PRDM16: variants seen among roughly 807,000 people sequenced by gnomAD.
PRDM16 encodes the protein PR/SET domain 16.
Under a neutral mutation model 110.6 loss-of-function variants are expected in PRDM16, and 23 were observed. The observed-to-expected ratio is 0.21, with a 90% CI of 0.15 to 0.29. The LOEUF (loss-of-function observed/expected upper bound fraction) is 0.29, where lower values mean the gene tolerates loss of function less well. Among genes scored for constraint, PRDM16 ranks in the 10% least tolerant of loss-of-function variants. The pLI is 1.00. For synonymous variants in PRDM16, 799 were observed against 781.8 expected, an observed-to-expected ratio of 1.02 and a Z score of -0.37; for missense variants, 1,615 against 1,794.3, an observed-to-expected ratio of 0.90 and a Z score of 1.81.
rs913766984 is a variant in PRDM16 at position 3,243,637 on chromosome 1, G to A, written c.388-450G>A. Among the ~76,000 whole-genome samples, 4 of 152,252 alleles carry A rather than the reference G, an allele frequency of 2.6e-5. No homozygotes were observed. Among genetic ancestry groups the A allele is most frequent in the African/African-American group, 9.6e-5 (4 of 41,466 alleles). ...CCAGGCACAACCTAGGCCAAGTTAC[G>A]TCTAAATACACGTGGTGTGATTCGC... is the stretch of plus-strand genomic sequence containing the variant. On this transcript the variant is annotated intron_variant, in intron 2 of 16. Coordinates refer to ENST00000270722, the MANE Select transcript of PRDM16 (RefSeq NM_022114.4). This position sits in a 1 kb window ranked among gnomAD's most constrained non-coding sequence, Gnocchi z 5.5.
rs78104449 is a variant in PRDM16, at chr1:3,199,019, C to T, written c.387+12545C>T. Among the ~76,000 whole-genome samples the T allele has an allele frequency of 9.7e-4, 148 of 152,238 alleles. 1 individual carries two copies. The East Asian group carries it at 0.01, about 11-fold the overall frequency. ...GATAAACCCTCACCCAGAACAAAGT[C>T]GAAATGACCTTTTACAAGTAGAAGC... On this transcript the variant is annotated intron_variant, in intron 2 of 16. Coordinates refer to ENST00000270722, the MANE Select transcript of PRDM16 (RefSeq NM_022114.4).
intron 3 of PRDM16, among the ~76,000 whole-genome samples, chr1:3,333,130 C>A (rs1380499422): frequency 6.6e-6 from 1 of 152,212 alleles, no homozygotes; most frequent in Non-Finnish European, 1.5e-5. Flanking sequence ...CACGGCCTTA[C>A]TCCTCAGCTT....
In PRDM16 at chr1:3,390,652, G is replaced by A. The variant is rs890535078; in HGVS notation, c.573+5366G>A. 5.9e-5 allele frequency among the ~76,000 whole-genome samples: 9 copies of A among 152,114 alleles called. No homozygotes were observed. Among genetic ancestry groups the A allele is most frequent in the African/African-American group, 9.7e-5 (4 of 41,446 alleles). ...ATGAGAACCAGGTGTCTCTCGGGTC[G>A]GCGGAGGGCATTTCTCTTTTGCTTT... On this transcript the variant is annotated intron_variant, in intron 4 of 16. Transcript: ENST00000270722. This position sits in a 1 kb window ranked among gnomAD's most constrained non-coding sequence, Gnocchi z 5.0.
At chr1:3,116,315 G>A (rs564814209) in intron 1 of PRDM16, among the ~76,000 whole-genome samples, 4 of 152,272 alleles carry the variant, frequency 2.6e-5, no homozygotes, top group South Asian at 2.1e-4. Context: ...TGCTCACTCC[G>A]CGGTGCGTGC....
intron 2 of PRDM16, among the ~76,000 whole-genome samples, chr1:3,217,214 T>G (rs1639048790): frequency 6.6e-6 from 1 of 152,260 alleles, no homozygotes; most frequent in African/African-American, 2.4e-5. Context: ...GTGATTTCTC[T>G]TCCCTGGAAG....
chr1:3,431,134 TG>T lies in PRDM16; in HGVS notation c.3521+30del. 1.9e-6 allele frequency: 3 copies of T among 1,546,648 alleles called. No individual in the cohort carries two copies. The South Asian group carries it at 3.6e-5, about 18-fold the overall frequency. On this transcript the variant is annotated intron_variant, in intron 15 of 16. Transcript: ENST00000270722. ...GTGGGGGCAGCCGTGTGCTCCAGGA[TG>T]GGGCAGGGAGGGAACGTGGGCGTCC...
At chr1:3,254,494 C>T (rs1253911130) in intron 3 of PRDM16, among the ~76,000 whole-genome samples, 2 of 152,118 alleles carry the variant, frequency 1.3e-5, no homozygotes, top group Non-Finnish European at 2.9e-5. Context: ...ACAAAAATCA[C>T]AAGCATTCTT....
rs187239915 is a variant in PRDM16, at chr1:3,106,724, G to C, written c.37+37428G>C. ...GAGGCATTTGGCCAGGCCAGCATGGGGGGGAGCAGCTCCCGGCGGGCTGCC... is the reference window on the plus strand; with the variant it reads ...GAGGCATTTGGCCAGGCCAGCATGGCGGGGAGCAGCTCCCGGCGGGCTGCC... On this transcript the variant is annotated intron_variant, in intron 1 of 16. Transcript: ENST00000270722. 7.6e-4 allele frequency among the ~76,000 whole-genome samples: 116 copies of C among 152,316 alleles called. 1 individual carries two copies. The highest frequency in any genetic ancestry group is 4.8e-3 in the East Asian group (25 of 5,192).
chr1:3,245,550 G>A lies in PRDM16; in HGVS notation c.438+1413G>A, dbSNP rs1464946287. On this transcript the variant is annotated intron_variant, in intron 3 of 16. Transcript: ENST00000270722. The surrounding 1 kb of genome is among the most constrained non-coding windows in gnomAD (Gnocchi z 4.7). ...CGTGTCCCTCCCCGTCGCTGGTGTG[G>A]CTGTGTCTGGCCTCCTGGGGTCCTT... Among the ~76,000 whole-genome samples the A allele has an allele frequency of 6.6e-6, 1 of 152,202 alleles. No individual in the cohort carries two copies. Among genetic ancestry groups the A allele is most frequent in the South Asian group, 2.1e-4 (1 of 4,836 alleles).
intron 1 of PRDM16, among the ~76,000 whole-genome samples, chr1:3,094,022 G>A (rs2981875): frequency 0.02 from 3,018 of 152,356 alleles, 96 homozygotes; most frequent in African/African-American, 0.069. Flanking sequence ...AGGAAGTGCC[G>A]AGCAGAAGTG....
At chr1:3,376,081 C>T (rs919577018) in intron 3 of PRDM16, among the ~76,000 whole-genome samples, 6 of 152,042 alleles carry the variant, frequency 3.9e-5, no homozygotes, top group Admixed American at 1.3e-4. Context: ...CACAGCATCC[C>T]GGTGTCTTGG....
intron 7 of PRDM16, 56 bp from the exon 8 acceptor site, chr1:3,405,439 C>G (rs968701973): frequency 9.3e-6 from 14 of 1,497,948 alleles, no homozygotes; most frequent in Non-Finnish European, 1.1e-5. Context: ...CCAGCCAGAA[C>G]CAGGCCAAGG....
At chr1:3,153,113 G>A (rs1388532376) in intron 1 of PRDM16, among the ~76,000 whole-genome samples, 1 of 152,242 alleles carries the variant, frequency 6.6e-6, no homozygotes, top group African/African-American at 2.4e-5. Context: ...TCTTCTGAGT[G>A]GGAACAGGGG....
chr1:3,102,412 C>A (rs1269825691), intron 1 of PRDM16, among the ~76,000 whole-genome samples: 1 of 152,204 alleles, frequency 6.6e-6, no homozygotes, highest in Non-Finnish European at 1.5e-5. Flanking sequence ...CTGGGGTCCT[C>A]ATGGGCTGGG....
chr1:3,159,810 G>C (rs776326641), intron 1 of PRDM16, among the ~76,000 whole-genome samples: 1 of 152,184 alleles, frequency 6.6e-6, no homozygotes, highest in Non-Finnish European at 1.5e-5. Flanking sequence ...ACCACGAGAG[G>C]CACTTACCCC....
intron 3 of PRDM16, among the ~76,000 whole-genome samples, chr1:3,331,304 G>A (rs910642597): frequency 4.7e-5 from 7 of 150,074 alleles, no homozygotes; most frequent in Admixed American, 6.6e-5. Flanking sequence ...GCCCCCCCCC[G>A]GCACACTTGG....
intron 2 of PRDM16, among the ~76,000 whole-genome samples, chr1:3,205,032 T>C (rs1164842742): frequency 6.6e-6 from 1 of 152,046 alleles, no homozygotes; most frequent in Non-Finnish European, 1.5e-5. Flanking sequence ...GGCCCGGGTA[T>C]AATGCGGCCT....
chr1:3,434,467 ATC>A lies in PRDM16; in HGVS notation c.*660_*661del. The A allele has an allele frequency of 4.3e-6, 1 of 231,428 alleles. No homozygotes were observed. The highest frequency in any genetic ancestry group is 1.8e-4 in the South Asian group (1 of 5,516). The allele number at this position is 231,428 out of a possible 1,614,324, so 14.3% of individuals were successfully genotyped here. On this transcript the variant is annotated 3_prime_UTR_variant, in exon 17 of 17. Coordinates refer to ENST00000270722, the MANE Select transcript of PRDM16 (RefSeq NM_022114.4). ...ACTGTAGATAATGGAGAAATTTTCTATCTCTGTCCCTATTTGTATAAGCCAAG... is the reference window on the plus strand; with the variant it reads ...ACTGTAGATAATGGAGAAATTTTCTATCTGTCCCTATTTGTATAAGCCAAG...
chr1:3,073,703 C>T (rs1289936078), intron 1 of PRDM16, among the ~76,000 whole-genome samples: 1 of 152,154 alleles, frequency 6.6e-6, no homozygotes, highest in Non-Finnish European at 1.5e-5. Context: ...TAGTCTCGGC[C>T]GACTTCCCAC....
Sources: gnomAD v4.1 joint callset for allele counts (sites outside exome capture counted in the v4.1 genomes callset) on GRCh38, gnomAD v4.1.1 for gene constraint, Gnocchi (gnomAD v3.1) non-coding constraint, MANE v1.5 for transcripts, NCBI Gene and HGNC (gene_info 2026-07-23, HGNC 2026-07-21) for gene names.